The following SCUBE1 variants were observed in gnomAD, a reference collection of about 807,000 sequenced individuals.
SCUBE1 encodes the protein signal peptide, CUB domain and EGF like domain containing 1, also known as signal peptide, CUB and EGF-like domain-containing protein 1.
A neutral mutation model predicts 124.4 loss-of-function variants in SCUBE1; 59 were observed. The ratio of observed to expected loss-of-function variants is 0.47; its 90% CI spans 0.38 to 0.59. The LOEUF is 0.59. SCUBE1 is among the 20% of genes least tolerant of loss of function. The pLI, the probability that SCUBE1 is intolerant of heterozygous loss-of-function variation, is 0.00. For missense variants in SCUBE1, 1,150 were observed against 1,371.2 expected (o/e 0.84, Z 2.55); for synonymous variants, 545 against 550.9 (o/e 0.99, Z 0.15).
intron 4 of SCUBE1, among the ~76,000 whole-genome samples, chr22:43,265,155 C>T (rs545387233): frequency 7.9e-5 from 12 of 152,186 alleles, no homozygotes; most frequent in East Asian, 1.9e-4. Context: ...TGATGCACGC[C>T]GGAGCCCTGG....
At chr22:43,204,749 A>C (rs1304481938) in intron 21 of SCUBE1, among the ~76,000 whole-genome samples, 1 of 151,866 alleles carries the variant, frequency 6.6e-6, no homozygotes, top group Non-Finnish European at 1.5e-5. Context: ...GTTTGAGACC[A>C]GGCTGATCAA....
In SCUBE1 at chr22:43,200,703, G is replaced by A. The variant is rs1010268279; in HGVS notation, c.*3294C>T. On this transcript the variant is annotated 3_prime_UTR_variant, in exon 22 of 22. Coordinates refer to ENST00000360835, the MANE Select transcript of SCUBE1 (RefSeq NM_173050.5). ...AATTCAAGTCACTCAGATGGTGTGG[G>A]AGGCCCAGTGGGGCTGCTGGCGACC... 1 of 152,340 alleles carries A rather than the reference G, an allele frequency of 6.6e-6. No homozygotes were observed. Among genetic ancestry groups the A allele is most frequent in the Non-Finnish European group, 1.5e-5 (1 of 68,120 alleles). The allele number at this position is 152,340 out of a possible 1,614,324, so 9.4% of individuals were successfully genotyped here.
intron 19 of SCUBE1, among the ~76,000 whole-genome samples, chr22:43,209,461 G>A (rs1447443202): frequency 6.6e-6 from 1 of 152,208 alleles, no homozygotes; most frequent in Non-Finnish European, 1.5e-5. Flanking sequence ...GCACACAGCG[G>A]TCACACCCAC....
At chr22:43,272,360 G>C (rs543102693) in intron 4 of SCUBE1, 4 of 152,280 alleles carry the variant, frequency 2.6e-5, no homozygotes, top group Admixed American at 2.0e-4. Context: ...GGGTTCAAAG[G>C]CTCCTGCCAG....
chr22:43,235,885 C>A (rs1922741020), intron 7 of SCUBE1, among the ~76,000 whole-genome samples: 1 of 152,112 alleles, frequency 6.6e-6, no homozygotes. Flanking sequence ...GCAGGGAGCC[C>A]TTGAGACGAG....
chr22:43,262,281 G>A (rs1369532132), intron 5 of SCUBE1, among the ~76,000 whole-genome samples: 1 of 152,232 alleles, frequency 6.6e-6, no homozygotes, highest in Non-Finnish European at 1.5e-5. Context: ...GGTGTGCAGA[G>A]TTCTGATCTT....
intron 14 of SCUBE1, 61 bp downstream of exon 14, chr22:43,220,389 G>A (rs577510868): frequency 2.3e-5 from 36 of 1,569,326 alleles, no homozygotes; most frequent in East Asian, 1.8e-4. Context: ...CCCCGGCAGC[G>A]CCACCAGCCT....
At chr22:43,275,126 G>A (rs1386906473) in intron 4 of SCUBE1, among the ~76,000 whole-genome samples, 1 of 152,222 alleles carries the variant, frequency 6.6e-6, no homozygotes, top group African/African-American at 2.4e-5. Context: ...AAGGTGTTCT[G>A]GAGCAGGAAC....
intron 6 of SCUBE1, among the ~76,000 whole-genome samples, chr22:43,241,507 C>T (rs139339010): frequency 1.3e-5 from 2 of 152,246 alleles, no homozygotes; most frequent in Non-Finnish European, 2.9e-5. Flanking sequence ...AGTGACCCAC[C>T]TGGCAGCTCC....
chr22:43,248,016 G>T (rs896713598), intron 6 of SCUBE1, among the ~76,000 whole-genome samples: 1 of 152,376 alleles, frequency 6.6e-6, no homozygotes, highest in South Asian at 2.1e-4. Flanking sequence ...CCTAGGGGAG[G>T]ATTAAGGCAG....
At chr22:43,250,011 G>A (rs1019452293) in intron 6 of SCUBE1, among the ~76,000 whole-genome samples, 12 of 152,356 alleles carry the variant, frequency 7.9e-5, no homozygotes, top group African/African-American at 2.9e-4. Flanking sequence ...TGCTTCCTAC[G>A]TGCCTGGCAC....
In SCUBE1 at chr22:43,339,242, G is replaced by A. The variant is rs575520228; in HGVS notation, c.89-7C>T. 18 of 1,612,936 alleles carry A rather than the reference G, an allele frequency of 1.1e-5. No individual in the cohort carries two copies. The South Asian group carries it at 1.8e-4, about 16-fold the overall frequency. ...TCATCCACGTCGACTGACCCTGTGG[G>A]TAGGGGTGTGGGGGGAATAAGAGGT... On this transcript the variant is annotated splice_region_variant and splice_polypyrimidine_tract_variant and intron_variant, in intron 1 of 21. Coordinates refer to ENST00000360835, the MANE Select transcript of SCUBE1 (RefSeq NM_173050.5).
intron 3 of SCUBE1, among the ~76,000 whole-genome samples, chr22:43,301,896 G>A (rs965859382): frequency 2.6e-5 from 4 of 152,238 alleles, no homozygotes; most frequent in African/African-American, 4.8e-5. Context: ...GCTAAAGGCC[G>A]TCCCACCAAG....
intron 3 of SCUBE1, among the ~76,000 whole-genome samples, chr22:43,294,661 AAGTGC>A (rs1925492638): frequency 6.6e-6 from 1 of 152,180 alleles, no homozygotes; most frequent in Non-Finnish European, 1.5e-5. Context: ...TATCCCTGGG[AAGTGC>A]TCCCAGAGCT....
intron 2 of SCUBE1, 119 bp from the exon 3 acceptor site, chr22:43,320,184 A>T (rs1601888583): frequency 7.9e-7 from 1 of 1,270,240 alleles, no homozygotes; most frequent in Non-Finnish European, 1.1e-6. Context: ...TATTCACTTC[A>T]GTCCTCCCTG....
intron 3 of SCUBE1, among the ~76,000 whole-genome samples, chr22:43,303,641 C>G (rs540295579): frequency 7.2e-5 from 11 of 152,248 alleles, no homozygotes; most frequent in Non-Finnish European, 1.2e-4. Context: ...CCACAGCCAA[C>G]CTGTCTCTGA....
At chr22:43,229,901 T>C (rs975653733) in intron 8 of SCUBE1, among the ~76,000 whole-genome samples, 2 of 149,344 alleles carry the variant, frequency 1.3e-5, no homozygotes, top group African/African-American at 2.5e-5. Flanking sequence ...ATGGGACAGT[T>C]GATGGGGACC....
chr22:43,319,558 C>CAAAAAAA lies in SCUBE1; in HGVS notation c.349+372_349+378dup, dbSNP rs35230785. On this transcript the variant is annotated intron_variant, in intron 3 of 21. Coordinates refer to ENST00000360835, the MANE Select transcript of SCUBE1 (RefSeq NM_173050.5). ...TGGGTGACAGAGCAAGACTCCATCT[C>CAAAAAAA]AAAAAAAAAAAAAAAAAAAAAAGAA... Among the ~76,000 whole-genome samples, 453 of 55,106 alleles carry CAAAAAAA rather than the reference C, an allele frequency of 8.2e-3. 60 individuals are homozygous for CAAAAAAA. The highest frequency in any genetic ancestry group is 0.033 in the African/African-American group (395 of 12,102). 36.2% of individuals were successfully genotyped at this position (55,106 alleles called of 152,430 possible).
chr22:43,235,608 A>G (rs1338282914), intron 7 of SCUBE1, among the ~76,000 whole-genome samples: 1 of 152,186 alleles, frequency 6.6e-6, no homozygotes, highest in Admixed American at 6.5e-5. Context: ...GATGCTGGGA[A>G]GAGGGGCAGG....
Sources: allele counts gnomAD v4.1 joint callset (sites outside exome capture counted in the v4.1 genomes callset), GRCh38; gene constraint gnomAD v4.1.1; transcripts MANE v1.5; gene names NCBI Gene and HGNC (gene_info 2026-07-23, HGNC 2026-07-21).